Variants in AKNA observed in about 807,000 individuals in gnomAD.
AKNA encodes AT-hook transcription factor.
Under a neutral mutation model 138.8 loss-of-function variants are expected in AKNA, and 67 were observed. The observed-to-expected ratio is 0.48, with a 90% confidence interval of 0.40 to 0.59. AKNA has a LOEUF of 0.59. Among genes scored for constraint, AKNA ranks in the 20% least tolerant of loss-of-function variants. AKNA has a pLI of 0.00. For missense variants in AKNA, 1,813 were observed against 1,880.4 expected, an observed-to-expected ratio of 0.96 and a Z score of 0.66; for synonymous variants, 737 against 754.4, an observed-to-expected ratio of 0.98 and a Z score of 0.38.
chr9:114,355,300 C>T lies in AKNA; in HGVS notation c.3058+625G>A, dbSNP rs528163043. On this transcript the variant is annotated intron_variant, in intron 14 of 21. Coordinates refer to ENST00000374088, the MANE Select transcript of AKNA (RefSeq NM_001317950.2). ...AAGCAATTCTCCTGCCTCAGCCTCC[C>T]AAGTAGCTAGGATTACAGGCACCTG... 1.1e-3 allele frequency among the ~76,000 whole-genome samples: 174 copies of T among 152,188 alleles called. 4 individuals carry two copies. In the South Asian group the frequency reaches 0.032, roughly 28 times the overall value.
chr9:114,338,266 C>T (rs1192815190), intron 21 of AKNA, among the ~76,000 whole-genome samples: 1 of 152,216 alleles, frequency 6.6e-6, no homozygotes, highest in Non-Finnish European at 1.5e-5. Flanking sequence ...TCCAAAGGAG[C>T]TATTCAAATG....
intron 21 of AKNA, 62 bp downstream of exon 21, chr9:114,341,471 A>G: frequency 6.2e-6 from 10 of 1,605,002 alleles, no homozygotes; most frequent in Non-Finnish European, 7.7e-6. Context: ...CCCAGGTCTG[A>G]ATGCTAACAT....
chr9:114,381,814 C>T (rs1167589785), intron 1 of AKNA, among the ~76,000 whole-genome samples: 3 of 152,056 alleles, frequency 2.0e-5, no homozygotes, highest in Non-Finnish European at 4.4e-5. Context: ...GTGCACGCCA[C>T]CACACCCGGC....
At chr9:114,394,041 C>G (rs976451419) in intron 1 of AKNA, among the ~76,000 whole-genome samples, 4 of 151,964 alleles carry the variant, frequency 2.6e-5, no homozygotes, top group African/African-American at 9.7e-5. Flanking sequence ...GGTGTGGTGA[C>G]GTGCACCTGT....
chr9:114,336,771 GGA>G lies in AKNA; in HGVS notation c.*281_*282del. 5.0e-6 allele frequency: 2 copies of G among 399,212 alleles called. No homozygotes were observed. Among genetic ancestry groups the G allele is most frequent in the Non-Finnish European group, 8.9e-6 (2 of 225,790 alleles). The allele number at this position is 399,212 out of a possible 1,614,324, so 24.7% of individuals were successfully genotyped here. A position where few individuals can be genotyped will look rare whatever the true frequency, so the allele number is the denominator to read the frequency against. On this transcript the variant is annotated 3_prime_UTR_variant, in exon 22 of 22. Transcript: ENST00000374088. ...CTGGAGTTGCACACATGCAGGACCAGGAGAGACTGCCTGAGGTTCTGCCTGGA... is the reference window on the plus strand; with the variant it reads ...CTGGAGTTGCACACATGCAGGACCAGGAGACTGCCTGAGGTTCTGCCTGGA...
At chr9:114,379,603 G>A (rs908004488) in intron 2 of AKNA, among the ~76,000 whole-genome samples, 2 of 152,206 alleles carry the variant, frequency 1.3e-5, no homozygotes, top group Non-Finnish European at 2.9e-5. Context: ...ACCAGCCTGC[G>A]GGAGTCACAG....
intron 12 of AKNA, among the ~76,000 whole-genome samples, chr9:114,357,533 G>A (rs1259895769): frequency 6.7e-6 from 1 of 149,302 alleles, no homozygotes; most frequent in African/African-American, 2.6e-5. Context: ...GTGTGTGTGT[G>A]TGTTTGTGCA....
intron 14 of AKNA, 38 bp from the exon 15 acceptor site, chr9:114,351,059 C>T (rs776965752): frequency 2.3e-5 from 36 of 1,598,570 alleles, no homozygotes; most frequent in South Asian, 7.8e-5. Flanking sequence ...TGAGTTTAAG[C>T]AGAGAGAACT....
At chr9:114,387,987 G>A, upstream of AKNA, 2 of 404,074 alleles carry the variant, frequency 4.9e-6, no homozygotes, top group South Asian at 1.7e-5. Context: ...CGTTCTGCCA[G>A]CCCAAGCTGC....
At chr9:114,330,794 A>G, downstream of AKNA, 1 of 1,613,886 alleles carries the variant, frequency 6.2e-7, no homozygotes, top group Non-Finnish European at 8.5e-7. Context: ...GACTTTAGCC[A>G]GAACCAGTGC....
In AKNA at chr9:114,376,106, C is replaced by T. The variant is rs1483601680; in HGVS notation, c.1341+360G>A. ...CCAGCCTCTATCCCAGGGCTTCCTA[C>T]CCCAGCCAGCCTCCACCCCAGGCCT... is the stretch of plus-strand genomic sequence containing the variant. On this transcript the variant is annotated intron_variant, in intron 3 of 21. Coordinates refer to ENST00000374088, the MANE Select transcript of AKNA (RefSeq NM_001317950.2). 7.4e-6 allele frequency: 3 copies of T among 403,932 alleles called. No individual in the cohort carries two copies. In the East Asian group the frequency reaches 2.4e-4, roughly 32 times the overall value. The allele number at this position is 403,932 out of a possible 1,614,324, so 25.0% of individuals were successfully genotyped here. A position where few individuals can be genotyped will look rare whatever the true frequency, so the allele number is the denominator to read the frequency against.
At chr9:114,344,077 T>G (rs1830528263) in intron 18 of AKNA, 1 of 315,650 alleles carries the variant, frequency 3.2e-6, no homozygotes, top group Non-Finnish European at 5.9e-6. Context: ...TCATCTCAGA[T>G]CCTAGAACCA....
intron 2 of AKNA, among the ~76,000 whole-genome samples, 184 bp downstream of exon 2, chr9:114,380,876 G>A (rs1054443050): frequency 2.4e-4 from 37 of 151,456 alleles, no homozygotes; most frequent in Non-Finnish European, 4.3e-4. Flanking sequence ...CCAGCTACTC[G>A]GGACGCTGAG....
chr9:114,356,540 G>C (rs1831514671), intron 13 of AKNA, among the ~76,000 whole-genome samples: 1 of 152,122 alleles, frequency 6.6e-6, no homozygotes, highest in Non-Finnish European at 1.5e-5. Flanking sequence ...GCCACCCTGA[G>C]TGCCCTTTGC....
chr9:114,355,380 T>C (rs1345860059), intron 14 of AKNA, among the ~76,000 whole-genome samples: 1 of 152,026 alleles, frequency 6.6e-6, no homozygotes, highest in Non-Finnish European at 1.5e-5. Flanking sequence ...TTTCACCACG[T>C]TGGCCAGGCT....
In AKNA at chr9:114,335,771, C is replaced by CAAAAA. The variant is rs10610956; in HGVS notation, c.*1278_*1282dup. The CAAAAA allele has an allele frequency of 3.9e-5, 4 of 101,668 alleles. No homozygotes were observed. Among genetic ancestry groups the CAAAAA allele is most frequent in the South Asian group, 3.2e-4 (1 of 3,148 alleles). 6.3% of individuals were successfully genotyped at this position (101,668 alleles called of 1,614,324 possible). ...GGGCAACCAGAGCAAAACTCAGTCTCAAAAAAAAAAAAAAAAAGAAAAAGA... is the reference window on the plus strand; with the variant it reads ...GGGCAACCAGAGCAAAACTCAGTCTCAAAAAAAAAAAAAAAAAAAAAAGAAAAAGA... On this transcript the variant is annotated 3_prime_UTR_variant, in exon 22 of 22. Coordinates refer to ENST00000374088, the MANE Select transcript of AKNA (RefSeq NM_001317950.2).
Position 114,381,863 on chromosome 9 carries a change from C to T in AKNA, c.-113-417G>A, listed in dbSNP as rs191275301. Among the ~76,000 whole-genome samples the T allele has an allele frequency of 3.1e-3, 475 of 152,066 alleles. 4 individuals are homozygous for T. Among genetic ancestry groups the T allele is most frequent in the African/African-American group, 0.011 (450 of 41,508 alleles). ...TTTTAGTTTCACTGTATTGGCGAGGCTGGTCTCGAACTCCTGACCTTGTGA... is the reference window on the plus strand; with the variant it reads ...TTTTAGTTTCACTGTATTGGCGAGGTTGGTCTCGAACTCCTGACCTTGTGA... On this transcript the variant is annotated intron_variant, in intron 1 of 21. Transcript: ENST00000374088.
At chr9:114,390,703 G>A (rs1834301169), upstream of AKNA, among the ~76,000 whole-genome samples, 1 of 152,204 alleles carries the variant, frequency 6.6e-6, no homozygotes, top group African/African-American at 2.4e-5. Context: ...GCTGGCCGCT[G>A]CTGCAGCCTC....
Position 114,359,669 on chromosome 9 carries a change from C to T in AKNA, c.2417G>A (p.Gly806Glu), listed in dbSNP as rs2131910734. The T allele has an allele frequency of 3.1e-6, 5 of 1,613,638 alleles. No individual in the cohort carries two copies. The highest frequency in any genetic ancestry group is 4.2e-6 in the Non-Finnish European group (5 of 1,179,746). Residue 806 changes from glycine (G) to glutamate (E), a missense_variant, in exon 11 of 22, where the codon GGG (glycine) becomes GAG (glutamate). Coordinates refer to ENST00000374088, the MANE Select transcript of AKNA (RefSeq NM_001317950.2). ...LEVDGVAATP[G>E]KAEATRVLPR... ...GAGGACCCTGGTGGCCTCTGCTTTC[C>T]CTGGAGTTGCAGCCACCCCATCAAC...
Sources: allele counts gnomAD v4.1 joint callset (sites outside exome capture counted in the v4.1 genomes callset), GRCh38; gene constraint gnomAD v4.1.1; transcripts MANE v1.5; gene names NCBI Gene and HGNC (gene_info 2026-07-23, HGNC 2026-07-21).